The following VRK3 variants were observed in gnomAD, a reference collection of about 807,000 sequenced individuals.
VRK3 encodes the protein VRK serine/threonine kinase 3.
Under a neutral mutation model 60.4 loss-of-function variants are expected in VRK3, and 50 were observed. That is an observed-to-expected ratio of 0.83 (90% CI 0.66 to 1.05). VRK3 has a LOEUF of 1.05. Among genes scored for constraint, VRK3 ranks in the 50% least tolerant of loss-of-function variants. The probability of loss-of-function intolerance (pLI) is 0.00; values close to 1 mark genes in which losing one functional copy is unlikely to be tolerated. For missense variants in VRK3, 549 were observed against 585.3 expected (o/e 0.94, Z 0.64); for synonymous variants, 246 against 227.8 (o/e 1.08, Z -0.72).
rs755136650 is a variant in VRK3 at position 49,976,545 on chromosome 19, C to T, written c.*251G>A. 2.0e-5 allele frequency: 3 copies of T among 152,678 alleles called. No individual in the cohort carries two copies. Among genetic ancestry groups the T allele is most frequent in the Non-Finnish European group, 4.4e-5 (3 of 68,062 alleles). 9.5% of individuals were successfully genotyped at this position (152,678 alleles called of 1,614,324 possible). On this transcript the variant is annotated 3_prime_UTR_variant, in exon 15 of 15. Coordinates refer to ENST00000316763, the MANE Select transcript of VRK3 (RefSeq NM_016440.4). ...TCCCCCCTGTGGGCCGGCCCAACCC[C>T]ATCCAGCTTTGCTAGGACACTGGCT... is the stretch of plus-strand genomic sequence containing the variant.
intron 5 of VRK3, among the ~76,000 whole-genome samples, chr19:50,006,551 A>G (rs545589732): frequency 9.9e-5 from 15 of 151,776 alleles, no homozygotes; most frequent in African/African-American, 3.6e-4. Context: ...AATTTTTTGT[A>G]TTTTTAGTAG....
At chr19:49,980,920 A>G in intron 13 of VRK3, 35 bp downstream of exon 13, 1 of 1,592,568 alleles carries the variant, frequency 6.3e-7, no homozygotes, top group Non-Finnish European at 8.6e-7. Flanking sequence ...GTCCTGCCCG[A>G]GTCCCCGCCT....
At chr19:49,981,300 A>C in intron 12 of VRK3, 1 of 388,522 alleles carries the variant, frequency 2.6e-6, no homozygotes, top group Non-Finnish European at 4.7e-6. Context: ...TAATCCCAAC[A>C]CTTTGGGAGG....
intron 14 of VRK3, among the ~76,000 whole-genome samples, chr19:49,977,466 G>A (rs1048147137): frequency 6.6e-6 from 1 of 152,104 alleles, no homozygotes; most frequent in Non-Finnish European, 1.5e-5. Flanking sequence ...CTTTGCCCTG[G>A]GTGAGGAAGG....
Position 50,016,138 on chromosome 19 carries a change from C to T in VRK3, c.25G>A (p.Gly9Ser), listed in dbSNP as rs1307734843. 6.2e-7 allele frequency: 1 copy of T among 1,614,212 alleles called. No individual in the cohort carries two copies. Among genetic ancestry groups the T allele is most frequent in the Non-Finnish European group, 8.5e-7 (1 of 1,180,056 alleles). MISFCPDC[G>S]KSIQAAFKFC... ...TTGAATGCCGCTTGGATACTTTTGC[C>T]ACAGTCTGGACAGAAGGAGATCATG... Residue 9 changes from glycine (G) to serine (S), a missense_variant, in exon 3 of 15, where the codon GGC becomes AGC. Transcript: ENST00000316763.
intron 12 of VRK3, chr19:49,987,076 A>G (rs2076528621): frequency 6.6e-6 from 1 of 152,260 alleles, no homozygotes; most frequent in Non-Finnish European, 1.5e-5. Context: ...GAGTTTCACT[A>G]TGTTGGCCAG....
intron 5 of VRK3, among the ~76,000 whole-genome samples, chr19:50,004,858 C>T (rs958795539): frequency 4.0e-5 from 6 of 151,800 alleles, no homozygotes; most frequent in Admixed American, 6.6e-5. Context: ...TGCAGTGAGC[C>T]GTGATTGCAC....
At chr19:49,982,427 G>A (rs950514708) in intron 12 of VRK3, among the ~76,000 whole-genome samples, 3 of 152,314 alleles carry the variant, frequency 2.0e-5, no homozygotes, top group East Asian at 1.9e-4. Flanking sequence ...ACAGATGTGA[G>A]CCACCACGCC....
chr19:50,007,497 A>G, intron 5 of VRK3, 72 bp downstream of exon 5: 4 of 1,587,668 alleles, frequency 2.5e-6, no homozygotes, highest in Non-Finnish European at 2.6e-6. Flanking sequence ...TCCCATTCTC[A>G]GAACGGGGTC....
Position 50,000,789 on chromosome 19 carries a change from C to G in VRK3, c.612+1G>C, listed in dbSNP as rs1243753439. The G allele has an allele frequency of 6.2e-7, 1 of 1,612,848 alleles. No homozygotes were observed. Among genetic ancestry groups the G allele is most frequent in the Non-Finnish European group, 8.5e-7 (1 of 1,179,474 alleles). On this transcript the variant is annotated splice_donor_variant, in intron 6 of 14. Coordinates refer to ENST00000316763, the MANE Select transcript of VRK3 (RefSeq NM_016440.4). LOFTEE classifies it high-confidence loss of function. ...TGCCCCCCACCTGCAGGGTCACTTA[C>G]CAGTTTGAGTGAGAACTTTTGCTTC...
intron 1 of VRK3, among the ~76,000 whole-genome samples, chr19:50,020,848 CCT>C (rs902939443): frequency 2.4e-4 from 36 of 152,320 alleles, no homozygotes; most frequent in African/African-American, 6.7e-4. Flanking sequence ...CAACACAGCC[CCT>C]GTCTTCAGGA....
chr19:49,991,822 G>A (rs893455018), intron 10 of VRK3, among the ~76,000 whole-genome samples: 9 of 152,200 alleles, frequency 5.9e-5, no homozygotes, highest in African/African-American at 1.7e-4. Flanking sequence ...ATCCTGCCGT[G>A]CCCGAGACAG....
chr19:50,005,063 A>T (rs1016426364), intron 5 of VRK3, among the ~76,000 whole-genome samples: 1 of 147,710 alleles, frequency 6.8e-6, no homozygotes, highest in Non-Finnish European at 1.5e-5. Context: ...AACACTGCCT[A>T]CCTCTGCCTG....
Position 50,011,218 on chromosome 19 carries a change from G to A in VRK3, c.140-1833C>T, listed in dbSNP as rs1023241532. ...ACCTATGTAACACTTGCTTAGCCCTGTGGTCTCTGTTTTCCTGTTGTTTCT... is the reference window on the plus strand; with the variant it reads ...ACCTATGTAACACTTGCTTAGCCCTATGGTCTCTGTTTTCCTGTTGTTTCT... On this transcript the variant is annotated intron_variant, in intron 3 of 14. Transcript: ENST00000316763. Among the ~76,000 whole-genome samples, 3 of 152,160 alleles carry A rather than the reference G, an allele frequency of 2.0e-5. No individual in the cohort carries two copies. The East Asian group carries it at 5.8e-4, about 29-fold the overall frequency.
intron 14 of VRK3, chr19:49,978,811 G>A (rs1209789954): frequency 1.5e-5 from 5 of 336,230 alleles, no homozygotes; most frequent in East Asian, 5.3e-5. Flanking sequence ...CCTGAATCCC[G>A]TTGTGCCTGA....
chr19:49,981,278 G>A, intron 12 of VRK3: 1 of 483,620 alleles, frequency 2.1e-6, no homozygotes, highest in South Asian at 2.3e-5. Flanking sequence ...CGGGCACAGT[G>A]GCTCACGCCT....
intron 12 of VRK3, chr19:49,982,197 A>G (rs77791107): frequency 0.017 from 12,175 of 702,904 alleles, 625 homozygotes; most frequent in East Asian, 0.1. Flanking sequence ...ACCTGAAATG[A>G]TAAGAATTCC....
rs536889875 is a variant in VRK3, at chr19:49,996,463, C to T, written c.679+1041G>A. 6.6e-5 allele frequency among the ~76,000 whole-genome samples: 10 copies of T among 152,248 alleles called. No homozygotes were observed. In the East Asian group the frequency reaches 1.7e-3, roughly 26 times the overall value. On this transcript the variant is annotated intron_variant, in intron 7 of 14. Coordinates refer to ENST00000316763, the MANE Select transcript of VRK3 (RefSeq NM_016440.4). ...GGGTGGGAGAGATATACAGGGGAGG[C>T]CATCATGCAGCATTCTCACCACACA...
rs766288308 is a variant in VRK3, at chr19:49,980,959, G to C, written c.1272C>G (p.Pro424=). The C allele has an allele frequency of 3.7e-6, 6 of 1,610,258 alleles. No individual in the cohort carries two copies. Among genetic ancestry groups the C allele is most frequent in the South Asian group, 3.3e-5 (3 of 90,106 alleles). ...FVGPCGHWIR[P]SETLQKYLKV... ...CCCGCTCCCTTCAGGACGTACCTGAGGGCCTGATCCAGTGACCGCAGGGTC... is the reference window on the plus strand; with the variant it reads ...CCCGCTCCCTTCAGGACGTACCTGACGGCCTGATCCAGTGACCGCAGGGTC... Residue 424 remains proline, a synonymous_variant, in exon 13 of 15, where the codon CCC becomes CCG. Transcript: ENST00000316763.
Sources: gnomAD v4.1 joint callset for allele counts (sites outside exome capture counted in the v4.1 genomes callset) on GRCh38, gnomAD v4.1.1 for gene constraint, MANE v1.5 for transcripts, NCBI Gene and HGNC (gene_info 2026-07-23, HGNC 2026-07-21) for gene names.